Variants in IMMP2L observed in about 807,000 individuals in gnomAD.
The protein encoded by IMMP2L is mitochondrial inner membrane protease subunit 2.
A neutral mutation model predicts 19.3 loss-of-function variants in IMMP2L; 18 were observed. That is an observed-to-expected ratio of 0.93 (90% CI 0.64 to 1.38). The LOEUF (loss-of-function observed/expected upper bound fraction) is 1.38, where lower values mean the gene tolerates loss of function less well. Among genes scored for constraint, IMMP2L ranks in the 40% most tolerant of loss-of-function variants. The probability of loss-of-function intolerance (pLI) is 0.00; values close to 1 mark genes in which losing one functional copy is unlikely to be tolerated. For missense variants in IMMP2L, 233 were observed against 218.2 expected (o/e 1.07, Z -0.43); for synonymous variants, 76 against 73.0 (o/e 1.04, Z -0.21).
chr7:111,387,655 C>A (rs1284049378), intron 3 of IMMP2L, among the ~76,000 whole-genome samples: 2 of 152,018 alleles, frequency 1.3e-5, no homozygotes, highest in African/African-American at 4.8e-5. Flanking sequence ...TTCTGTCATT[C>A]ACATCTAGAA....
Position 111,316,833 on chromosome 7 carries a change from CCTTTTTTTTTT to C in IMMP2L, c.239+170394_239+170404del, listed in dbSNP as rs1336097717. ...CCCAATGAGAGAGATATTGTTGGCT[CCTTTTTTTTTT>C]CTTTTTTTTTTTTTTTTTTTTTTTG... is the stretch of plus-strand genomic sequence containing the variant. On this transcript the variant is annotated intron_variant, in intron 3 of 5. Coordinates refer to ENST00000405709, the MANE Select transcript of IMMP2L (RefSeq NM_032549.4). Among the ~76,000 whole-genome samples, 6 of 145,226 alleles carry C rather than the reference CCTTTTTTTTTT, an allele frequency of 4.1e-5. No individual in the cohort carries two copies. The Admixed American group carries it at 4.2e-4, about 10-fold the overall frequency.
chr7:111,527,436 G>C (rs1311541497), intron 1 of IMMP2L, among the ~76,000 whole-genome samples: 2 of 144,832 alleles, frequency 1.4e-5, no homozygotes, highest in African/African-American at 2.5e-5. Flanking sequence ...GGGGGGGGTA[G>C]ATTTAATATC....
chr7:111,480,899 C>T lies in IMMP2L; in HGVS notation c.239+6339G>A, dbSNP rs548915096. On this transcript the variant is annotated intron_variant, in intron 3 of 5. Coordinates refer to ENST00000405709, the MANE Select transcript of IMMP2L (RefSeq NM_032549.4). ...CATGAAATTCCATTTTTAGCAGGTT[C>T]CAATTAATTTCCTTGGTTGGTCAAG... is the stretch of plus-strand genomic sequence containing the variant. Among the ~76,000 whole-genome samples the T allele has an allele frequency of 3.9e-5, 6 of 152,246 alleles. No individual in the cohort carries two copies. In the South Asian group the frequency reaches 1.2e-3, roughly 32 times the overall value.
chr7:111,366,016 ACAT>A (rs1325896558), intron 3 of IMMP2L, among the ~76,000 whole-genome samples: 1 of 152,132 alleles, frequency 6.6e-6, no homozygotes, highest in Non-Finnish European at 1.5e-5. Context: ...TGGCACTGGT[ACAT>A]CATCATTTTG....
intron 4 of IMMP2L, among the ~76,000 whole-genome samples, chr7:110,904,035 A>G (rs1448374706): frequency 2.0e-5 from 3 of 152,150 alleles, no homozygotes; most frequent in African/African-American, 7.2e-5. Context: ...TTGGAGAAAC[A>G]TCTACTCAAG....
rs1368558369 is a variant in IMMP2L, at chr7:110,663,723, T to C, written c.409-2A>G. ...GGCATGCAGAAGTCCTAGGGAAACC[T>C]TAATTCATGAGAAACAGAAAGAAAG... is the stretch of plus-strand genomic sequence containing the variant. On this transcript the variant is annotated splice_acceptor_variant, in intron 5 of 5. Coordinates refer to ENST00000405709, the MANE Select transcript of IMMP2L (RefSeq NM_032549.4). LOFTEE classifies it high-confidence loss of function. 1.9e-6 allele frequency: 3 copies of C among 1,560,670 alleles called. No individual in the cohort carries two copies. The highest frequency in any genetic ancestry group is 2.6e-6 in the Non-Finnish European group (3 of 1,156,186).
At chr7:111,337,458 A>G (rs1370205396) in intron 3 of IMMP2L, among the ~76,000 whole-genome samples, 1 of 116,874 alleles carries the variant, frequency 8.6e-6, no homozygotes, top group Non-Finnish European at 1.7e-5. Context: ...GGAAGGATGG[A>G]TGGATGGATG....
At chr7:111,409,162 C>A (rs545208630) in intron 3 of IMMP2L, among the ~76,000 whole-genome samples, 1 of 151,444 alleles carries the variant, frequency 6.6e-6, no homozygotes. Flanking sequence ...GTATTGATTA[C>A]ACAAACTAGT....
At chr7:111,371,767 G>A (rs1830279338) in intron 3 of IMMP2L, among the ~76,000 whole-genome samples, 1 of 151,988 alleles carries the variant, frequency 6.6e-6, no homozygotes, top group Admixed American at 6.6e-5. Context: ...GTGTGAAGAG[G>A]TGGGTGTAGT....
intron 3 of IMMP2L, among the ~76,000 whole-genome samples, chr7:111,403,974 C>G (rs943167477): frequency 6.6e-5 from 10 of 151,922 alleles, no homozygotes; most frequent in African/African-American, 2.4e-4. Context: ...TTGGAACAAC[C>G]CCCCCACAAA....
chr7:110,916,888 C>T (rs1326367742), intron 4 of IMMP2L, among the ~76,000 whole-genome samples: 3 of 152,066 alleles, frequency 2.0e-5, no homozygotes, highest in Non-Finnish European at 4.4e-5. Flanking sequence ...TCAGTCATCA[C>T]AAAATGAATC....
chr7:111,148,067 G>A (rs1803672771), intron 3 of IMMP2L, among the ~76,000 whole-genome samples: 1 of 152,034 alleles, frequency 6.6e-6, no homozygotes, highest in South Asian at 2.1e-4. Context: ...AGTGTTCATA[G>A]TAACATTATT....
chr7:111,168,380 G>A (rs1214897252), intron 3 of IMMP2L, among the ~76,000 whole-genome samples: 1 of 151,486 alleles, frequency 6.6e-6, no homozygotes, highest in Non-Finnish European at 1.5e-5. Flanking sequence ...TATGTACGTT[G>A]CTAAGCAAAC....
intron 2 of IMMP2L, among the ~76,000 whole-genome samples, chr7:111,500,995 G>A (rs1218807555): frequency 2.6e-5 from 4 of 152,188 alleles, no homozygotes; most frequent in African/African-American, 9.6e-5. Context: ...CGAGTTGAGA[G>A]AAGAAGGCTT....
At chr7:110,692,507 G>A (rs4727742) in intron 5 of IMMP2L, among the ~76,000 whole-genome samples, 148,913 of 151,900 alleles carry the variant, frequency 0.98, 73,051 homozygotes, top group Middle Eastern at 1. Context: ...TAAAAAAAAA[G>A]CTTTGCTTGG....
At chr7:111,066,542 A>G (rs560975187) in intron 3 of IMMP2L, among the ~76,000 whole-genome samples, 1 of 152,332 alleles carries the variant, frequency 6.6e-6, no homozygotes, top group South Asian at 2.1e-4. Context: ...CAGGTACCGC[A>G]CTAGATGCTT....
intron 5 of IMMP2L, among the ~76,000 whole-genome samples, chr7:110,775,727 T>C (rs548878815): frequency 2.6e-5 from 4 of 152,142 alleles, no homozygotes; most frequent in African/African-American, 7.2e-5. Context: ...TCTTCTTTAC[T>C]TGGAGAACAA....
chr7:110,815,143 A>C (rs1802380110), intron 5 of IMMP2L, among the ~76,000 whole-genome samples: 1 of 152,128 alleles, frequency 6.6e-6, no homozygotes, highest in African/African-American at 2.4e-5. Flanking sequence ...ATGTCCAATC[A>C]ATACCTAATT....
chr7:110,911,870 G>A (rs527516398), intron 4 of IMMP2L, among the ~76,000 whole-genome samples: 4 of 151,966 alleles, frequency 2.6e-5, no homozygotes, highest in Non-Finnish European at 5.9e-5. Context: ...AGCATTTGAC[G>A]GGACAGTAAA....
Sources: allele counts gnomAD v4.1 joint callset (sites outside exome capture counted in the v4.1 genomes callset), GRCh38; gene constraint gnomAD v4.1.1; transcripts MANE v1.5; gene names NCBI Gene and HGNC (gene_info 2026-07-23, HGNC 2026-07-21).